The following MTUS1 variants were observed in gnomAD, a reference collection of about 807,000 sequenced individuals.
The protein encoded by MTUS1 is microtubule-associated tumor suppressor 1.
A neutral mutation model predicts 120.8 loss-of-function variants in MTUS1; 109 were observed. The ratio of observed to expected loss-of-function variants is 0.90; its 90% CI spans 0.77 to 1.06. The LOEUF is 1.06. Among genes scored for constraint, MTUS1 ranks in the 50% least tolerant of loss-of-function variants. The pLI is 0.00. For missense variants in MTUS1, 2,210 were observed against 1,486.3 expected, an observed-to-expected ratio of 1.49 and a Z score of -8.01; for synonymous variants, 737 against 550.5, an observed-to-expected ratio of 1.34 and a Z score of -4.74.
chr8:17,653,525 G>A, intron 10 of MTUS1, 27 bp from the exon 11 acceptor site: 1 of 1,523,732 alleles, frequency 6.6e-7, no homozygotes, highest in Non-Finnish European at 9.1e-7. Flanking sequence ...ATATTTTTGA[G>A]GCAATAACAT....
At chr8:17,671,046 T>C (rs910812436) in intron 8 of MTUS1, among the ~76,000 whole-genome samples, 1 of 152,166 alleles carries the variant, frequency 6.6e-6, no homozygotes, top group South Asian at 2.1e-4. Flanking sequence ...AGAAATAGTC[T>C]ATGCTTGATA....
chr8:17,730,485 TAA>T lies in MTUS1; in HGVS notation c.2288-6654_2288-6653del, dbSNP rs56305317. On this transcript the variant is annotated intron_variant, in intron 3 of 14. Transcript: ENST00000693296. ...GGGCAAGAGAGCAAGACTCTGTCTT[TAA>T]AAAAAAAAAAAAAAAAAAAGTGAAA... 4.9e-3 allele frequency among the ~76,000 whole-genome samples: 606 copies of T among 122,782 alleles called. 1 individual carries two copies. Among genetic ancestry groups the T allele is most frequent in the Middle Eastern group, 8.8e-3 (2 of 228 alleles). The allele number at this position is 122,782 out of a possible 152,430, so 80.5% of individuals were successfully genotyped here. A position where few individuals can be genotyped will look rare whatever the true frequency, so the allele number is the denominator to read the frequency against.
chr8:17,652,699 G>A (rs1807275881), intron 12 of MTUS1, among the ~76,000 whole-genome samples: 1 of 151,996 alleles, frequency 6.6e-6, no homozygotes, highest in Admixed American at 6.5e-5. Context: ...AGCTGGCCAT[G>A]GTGATGCGTG....
rs905834207 is a variant in MTUS1, at chr8:17,669,993, T to C, written c.2905+5193A>G. 4.6e-5 allele frequency among the ~76,000 whole-genome samples: 7 copies of C among 152,260 alleles called. No homozygotes were observed. The East Asian group carries it at 5.8e-4, about 13-fold the overall frequency. On this transcript the variant is annotated intron_variant, in intron 8 of 14. Transcript: ENST00000693296. The stretch of plus-strand genomic sequence containing the variant: ...GTTGCAGTATCTTCCAGGTGAGAAA[T>C]TGTGGGACTTAAAACAGCAGCAGCC...
At chr8:17,714,981 C>A (rs1408998094) in intron 5 of MTUS1, among the ~76,000 whole-genome samples, 1 of 138,366 alleles carries the variant, frequency 7.2e-6, no homozygotes, top group Admixed American at 7.7e-5. Context: ...TCTCGGCTCA[C>A]TGCAACCTCT....
intron 1 of MTUS1, among the ~76,000 whole-genome samples, chr8:17,759,559 G>A (rs73208606): frequency 2.6e-3 from 383 of 148,524 alleles, no homozygotes; most frequent in Non-Finnish European, 4.2e-3. Flanking sequence ...AAGGGGGCAG[G>A]ATTCTTTATA....
intron 1 of MTUS1, among the ~76,000 whole-genome samples, chr8:17,773,527 C>T (rs991537080): frequency 7.9e-5 from 12 of 152,154 alleles, no homozygotes; most frequent in Admixed American, 7.9e-4. Context: ...GCTCAGGGTT[C>T]TGCAGGCTTA....
At chr8:17,794,792 C>T (rs1586452804) in intron 1 of MTUS1, among the ~76,000 whole-genome samples, 1 of 152,200 alleles carries the variant, frequency 6.6e-6, no homozygotes, top group African/African-American at 2.4e-5. Flanking sequence ...GACTCAACCA[C>T]CTTGACACAG....
intron 1 of MTUS1, among the ~76,000 whole-genome samples, chr8:17,777,253 G>A (rs1046364781): frequency 3.3e-5 from 5 of 151,892 alleles, no homozygotes; most frequent in Non-Finnish European, 5.9e-5. Context: ...CCTGGCCAAC[G>A]TGGCAAAACT....
Position 17,663,406 on chromosome 8 carries a change from C to T in MTUS1, c.2906-7341G>A, listed in dbSNP as rs140758076. On this transcript the variant is annotated intron_variant, in intron 8 of 14. Transcript: ENST00000693296. The stretch of plus-strand genomic sequence containing the variant: ...TTCTTTTGAAATGATACAGTGCTTT[C>T]CTAGTTTTTATATCTGAGTAGCATG... Among the ~76,000 whole-genome samples, 20 of 152,274 alleles carry T rather than the reference C, an allele frequency of 1.3e-4. 1 individual carries two copies. In the East Asian group the frequency reaches 3.9e-3, roughly 29 times the overall value.
chr8:17,702,997 T>C (rs139953025), intron 6 of MTUS1, among the ~76,000 whole-genome samples: 230 of 152,320 alleles, frequency 1.5e-3, no homozygotes, highest in African/African-American at 5.3e-3. Context: ...GCTGAGGATG[T>C]ACGTCACCTC....
chr8:17,705,578 A>G (rs1251902175), intron 6 of MTUS1: 1 of 152,114 alleles, frequency 6.6e-6, no homozygotes, highest in Non-Finnish European at 1.5e-5. Flanking sequence ...CTGTGTTTTA[A>G]GTATAGGGGG....
At chr8:17,698,879 A>C (rs1421089008) in intron 6 of MTUS1, among the ~76,000 whole-genome samples, 1 of 152,122 alleles carries the variant, frequency 6.6e-6, no homozygotes, top group Non-Finnish European at 1.5e-5. Flanking sequence ...CACCACAGCA[A>C]CTGAAGCTAA....
intron 1 of MTUS1, among the ~76,000 whole-genome samples, chr8:17,789,095 C>A (rs956243787): frequency 2.0e-5 from 3 of 151,728 alleles, no homozygotes; most frequent in Non-Finnish European, 4.4e-5. Flanking sequence ...TGCAATGGCA[C>A]GATCTCAGCT....
intron 3 of MTUS1, among the ~76,000 whole-genome samples, chr8:17,741,838 A>C (rs2047340817): frequency 6.6e-6 from 1 of 152,202 alleles, no homozygotes; most frequent in Non-Finnish European, 1.5e-5. Context: ...GGGCTGTAAA[A>C]GCTGACAGGG....
chr8:17,787,887 G>A (rs917634275), intron 1 of MTUS1, among the ~76,000 whole-genome samples: 5 of 152,208 alleles, frequency 3.3e-5, no homozygotes, highest in Non-Finnish European at 5.9e-5. Flanking sequence ...TCGGGAGGCC[G>A]AGGCAGGCGG....
Position 17,704,881 on chromosome 8 carries a change from G to C in MTUS1, c.2623+8333C>G, listed in dbSNP as rs560049771. Among the ~76,000 whole-genome samples, 446 of 152,058 alleles carry C rather than the reference G, an allele frequency of 2.9e-3. 3 individuals are homozygous for C. Among genetic ancestry groups the C allele is most frequent in the African/African-American group, 9.8e-3 (405 of 41,496 alleles). On this transcript the variant is annotated intron_variant, in intron 6 of 14. Coordinates refer to ENST00000693296, the MANE Select transcript of MTUS1 (RefSeq NM_001363059.2). ...GTATGTCCATTTAGCTTCTATTATA[G>C]AGTTGTCTTTATCTTGCTGATTTGA...
chr8:17,679,758 C>A (rs1813950063), intron 7 of MTUS1, among the ~76,000 whole-genome samples: 1 of 152,170 alleles, frequency 6.6e-6, no homozygotes, highest in Non-Finnish European at 1.5e-5. Context: ...CCGCCTCAGC[C>A]TCCCAAAGTG....
At chr8:17,795,708 C>T (rs879277846) in intron 1 of MTUS1, among the ~76,000 whole-genome samples, 5 of 152,196 alleles carry the variant, frequency 3.3e-5, no homozygotes, top group African/African-American at 9.6e-5. Context: ...GATGCGATCT[C>T]GGCTCACTGC....
Sources: gnomAD v4.1 joint callset for allele counts (sites outside exome capture counted in the v4.1 genomes callset) on GRCh38, gnomAD v4.1.1 for gene constraint, MANE v1.5 for transcripts, NCBI Gene and HGNC (gene_info 2026-07-23, HGNC 2026-07-21) for gene names.